RALYL: variants seen among roughly 807,000 people sequenced by gnomAD.
The protein encoded by RALYL is RNA-binding Raly-like protein.
A neutral mutation model predicts 35.1 loss-of-function variants in RALYL; 29 were observed. That is an observed-to-expected ratio of 0.83 (90% CI 0.61 to 1.13). RALYL has a LOEUF of 1.13. RALYL is among the 50% of genes most tolerant of loss of function. RALYL has a pLI of 0.00. For synonymous variants in RALYL, 120 were observed against 127.6 expected, an observed-to-expected ratio of 0.94 and a Z score of 0.40; for missense variants, 359 against 360.4, an observed-to-expected ratio of 1.00 and a Z score of 0.03.
intron 1 of RALYL, among the ~76,000 whole-genome samples, chr8:84,324,480 A>AT (rs1845437408): frequency 6.6e-6 from 1 of 152,046 alleles, no homozygotes; most frequent in African/African-American, 2.4e-5. Flanking sequence ...TGCATTAAAC[A>AT]TATTAAAGTT....
chr8:84,222,438 G>A (rs60774626), intron 1 of RALYL, among the ~76,000 whole-genome samples: 16,263 of 152,084 alleles, frequency 0.11, 1,012 homozygotes, highest in African/African-American at 0.16. Context: ...ATTTCAAAAT[G>A]GTGGATGCCA....
At chr8:84,375,253 A>C (rs1735898454) in intron 1 of RALYL, among the ~76,000 whole-genome samples, 1 of 151,810 alleles carries the variant, frequency 6.6e-6, no homozygotes, top group Admixed American at 6.6e-5. Context: ...ATTATTTGCC[A>C]TTCAGTATCT....
At chr8:84,699,341 C>T (rs1168088551) in intron 2 of RALYL, among the ~76,000 whole-genome samples, 1 of 152,024 alleles carries the variant, frequency 6.6e-6, no homozygotes, top group Admixed American at 6.6e-5. Context: ...AGCAATTCTC[C>T]CACATCATGC....
intron 2 of RALYL, among the ~76,000 whole-genome samples, chr8:84,718,924 C>T (rs1843386746): frequency 6.6e-6 from 1 of 152,020 alleles, no homozygotes; most frequent in African/African-American, 2.4e-5. Context: ...AAAATTCTTT[C>T]TGTTCTCTGA....
chr8:84,551,871 T>G (rs1251953989), intron 2 of RALYL, among the ~76,000 whole-genome samples: 1 of 152,114 alleles, frequency 6.6e-6, no homozygotes. Flanking sequence ...TGAAAAGGAA[T>G]CATTTAATCT....
Position 84,644,487 on chromosome 8 carries a change from TTA to T in RALYL, c.256+114914_256+114915del, listed in dbSNP as rs778160614. Among the ~76,000 whole-genome samples the T allele has an allele frequency of 2.6e-5, 4 of 152,122 alleles. No individual in the cohort carries two copies. The East Asian group carries it at 5.8e-4, about 22-fold the overall frequency. On this transcript the variant is annotated intron_variant, in intron 2 of 8. Transcript: ENST00000521268. The stretch of plus-strand genomic sequence containing the variant: ...AGACATAAGAAATTAGTAATTAAAA[TTA>T]TATGTTAGAACTTGATACATTCTTT...
At chr8:84,581,288 CAT>C (rs1442745321) in intron 2 of RALYL, among the ~76,000 whole-genome samples, 1 of 152,190 alleles carries the variant, frequency 6.6e-6, no homozygotes, top group African/African-American at 2.4e-5. Flanking sequence ...AATTTTAGAA[CAT>C]GTTTTACAAT....
intron 1 of RALYL, among the ~76,000 whole-genome samples, chr8:84,379,357 C>T (rs529790816): frequency 2.1e-4 from 32 of 151,888 alleles, no homozygotes; most frequent in Non-Finnish European, 4.3e-4. Context: ...GTTCCCTTGA[C>T]TGATTGTACA....
chr8:84,755,018 T>G (rs62530175), intron 2 of RALYL, among the ~76,000 whole-genome samples: 2 of 152,158 alleles, frequency 1.3e-5, no homozygotes, highest in Non-Finnish European at 2.9e-5. Context: ...GGCACTCCAG[T>G]TTTAATGCCT....
chr8:84,560,599 C>A (rs2061415436), intron 2 of RALYL, among the ~76,000 whole-genome samples: 1 of 151,990 alleles, frequency 6.6e-6, no homozygotes, highest in Non-Finnish European at 1.5e-5. Flanking sequence ...GAATTCTCTT[C>A]TTCTGAGAGA....
chr8:84,196,706 G>A (rs895520519), intron 1 of RALYL, among the ~76,000 whole-genome samples: 2 of 152,020 alleles, frequency 1.3e-5, no homozygotes, highest in Admixed American at 6.6e-5. Context: ...ACTCCTTTTG[G>A]CATTTGTTCC....
chr8:84,385,594 T>C (rs1859007646), intron 1 of RALYL, among the ~76,000 whole-genome samples: 1 of 151,880 alleles, frequency 6.6e-6, no homozygotes, highest in Non-Finnish European at 1.5e-5. Flanking sequence ...GAACAATGTC[T>C]GTCTTCATTC....
chr8:84,353,306 C>T (rs1182156989), intron 1 of RALYL, among the ~76,000 whole-genome samples: 1 of 150,112 alleles, frequency 6.7e-6, no homozygotes, highest in Non-Finnish European at 1.5e-5. Flanking sequence ...ATTCACTGTA[C>T]TGTCTTGGTG....
At chr8:84,370,382 T>C (rs370408834) in intron 1 of RALYL, among the ~76,000 whole-genome samples, 1 of 151,892 alleles carries the variant, frequency 6.6e-6, no homozygotes, top group East Asian at 1.9e-4. Flanking sequence ...AATTTTAACG[T>C]AAATGAAAAG....
chr8:84,740,862 G>A (rs1807133264), intron 2 of RALYL, among the ~76,000 whole-genome samples: 1 of 151,894 alleles, frequency 6.6e-6, no homozygotes, highest in Admixed American at 6.6e-5. Context: ...AAAGTCCCTG[G>A]GAATAGGTAA....
intron 2 of RALYL, among the ~76,000 whole-genome samples, chr8:84,620,905 C>T (rs1206017453): frequency 2.0e-5 from 3 of 152,186 alleles, no homozygotes; most frequent in Non-Finnish European, 4.4e-5. Flanking sequence ...TTAGGCTGCT[C>T]GGGGGTCAGG....
intron 4 of RALYL, among the ~76,000 whole-genome samples, chr8:84,840,436 G>T (rs1586685187): frequency 6.6e-6 from 1 of 152,260 alleles, no homozygotes; most frequent in South Asian, 2.1e-4. Flanking sequence ...AAAAAGAAAT[G>T]AACAAAGCCT....
chr8:84,674,640 A>G (rs1696747474), intron 2 of RALYL, among the ~76,000 whole-genome samples: 1 of 152,172 alleles, frequency 6.6e-6, no homozygotes, highest in African/African-American at 2.4e-5. Context: ...TTCAAAGGTA[A>G]TTCTTTTTAT....
chr8:84,200,175 A>C (rs952639909), intron 1 of RALYL, among the ~76,000 whole-genome samples: 1 of 152,186 alleles, frequency 6.6e-6, no homozygotes, highest in East Asian at 1.9e-4. Flanking sequence ...TCTAATGGTT[A>C]TCATGAACAG....
Sources: gnomAD v4.1 joint callset for allele counts (sites outside exome capture counted in the v4.1 genomes callset) on GRCh38, gnomAD v4.1.1 for gene constraint, MANE v1.5 for transcripts, NCBI Gene and HGNC (gene_info 2026-07-23, HGNC 2026-07-21) for gene names.